RPS6KC1: variants seen among roughly 807,000 people sequenced by gnomAD.
RPS6KC1 encodes the protein ribosomal protein S6 kinase C1.
In RPS6KC1, 54 loss-of-function variants were observed where a neutral mutation model predicts 103.8. That is an observed-to-expected ratio of 0.52 (90% CI 0.42 to 0.65). The LOEUF is 0.65. Ranked by LOEUF, RPS6KC1 falls within the 30% of genes least tolerant of loss-of-function variation. The pLI is 0.00. For synonymous variants in RPS6KC1, 439 were observed against 438.7 expected, an observed-to-expected ratio of 1.00 and a Z score of -0.01; for missense variants, 1,151 against 1,253.8, an observed-to-expected ratio of 0.92 and a Z score of 1.24.
intron 6 of RPS6KC1, among the ~76,000 whole-genome samples, chr1:213,140,768 C>A (rs569986632): frequency 3.3e-5 from 5 of 151,004 alleles, no homozygotes; most frequent in African/African-American, 1.2e-4. Context: ...CTGCATCTTA[C>A]ATTCATCAAG....
the RPS6KC1 span, among the ~76,000 whole-genome samples, chr1:213,455,331 A>T: frequency 6.6e-6 from 1 of 152,072 alleles, no homozygotes; most frequent in African/African-American, 2.4e-5. Context: ...TAAAAAGTGG[A>T]CTTGACAGAA....
At chr1:213,237,672 A>C (rs1016293695) in intron 10 of RPS6KC1, among the ~76,000 whole-genome samples, 1 of 152,208 alleles carries the variant, frequency 6.6e-6, no homozygotes, top group East Asian at 1.9e-4. Flanking sequence ...CAAATTAACA[A>C]ACTTACTTTG....
the RPS6KC1 span, among the ~76,000 whole-genome samples, chr1:213,683,866 A>G: frequency 1.3e-5 from 2 of 152,096 alleles, no homozygotes; most frequent in Non-Finnish European, 2.9e-5. Context: ...ACCCTGGGAA[A>G]GCTGGCTCTG....
At chr1:213,221,081 A>G (rs1224256254) in intron 8 of RPS6KC1, among the ~76,000 whole-genome samples, 3 of 152,180 alleles carry the variant, frequency 2.0e-5, no homozygotes, top group South Asian at 4.1e-4. Context: ...AAAAAATACA[A>G]TCTTTATTAT....
the RPS6KC1 span, among the ~76,000 whole-genome samples, chr1:213,743,104 C>T: frequency 6.6e-6 from 1 of 152,206 alleles, no homozygotes; most frequent in South Asian, 2.1e-4. Flanking sequence ...CATTGCTGTG[C>T]TGTTCACAAT....
chr1:213,574,355 A>C, the RPS6KC1 span, among the ~76,000 whole-genome samples: 31,611 of 152,116 alleles, frequency 0.21, 4,101 homozygotes, highest in African/African-American at 0.37. Context: ...AGAAATGTTC[A>C]ATTGGTTATT....
the RPS6KC1 span, among the ~76,000 whole-genome samples, chr1:213,354,971 A>G: frequency 6.6e-6 from 1 of 152,204 alleles, no homozygotes. Context: ...TAATCCCAGC[A>G]CTTTGGGAGG....
At chr1:213,547,409 AT>A in the RPS6KC1 span, among the ~76,000 whole-genome samples, 1 of 152,220 alleles carries the variant, frequency 6.6e-6, no homozygotes, top group Non-Finnish European at 1.5e-5. Context: ...CTCTTATACA[AT>A]GCTAGGGAGA....
intron 1 of RPS6KC1, among the ~76,000 whole-genome samples, chr1:213,051,946 AAGAC>A (rs1447280480): frequency 6.6e-6 from 1 of 152,220 alleles, no homozygotes; most frequent in African/African-American, 2.4e-5. Flanking sequence ...TGCTGTGAGA[AAGAC>A]AGATTCTTGG....
the RPS6KC1 span, among the ~76,000 whole-genome samples, chr1:213,591,900 C>G: frequency 6.6e-6 from 1 of 152,166 alleles, no homozygotes; most frequent in Non-Finnish European, 1.5e-5. Context: ...CTGTGTCAAT[C>G]AGTTAGTCAC....
At chr1:213,728,090 G>A in the RPS6KC1 span, among the ~76,000 whole-genome samples, 3 of 152,106 alleles carry the variant, frequency 2.0e-5, no homozygotes, top group South Asian at 6.2e-4. Context: ...ATAATAGAGG[G>A]AAGTGGAGAA....
rs560995572 is a variant in RPS6KC1 at position 213,110,221 on chromosome 1, G to A, written c.378+5652G>A. 6.6e-5 allele frequency among the ~76,000 whole-genome samples: 10 copies of A among 152,136 alleles called. No homozygotes were observed. The South Asian group carries it at 1.5e-3, about 22-fold the overall frequency. On this transcript the variant is annotated intron_variant, in intron 4 of 14. Coordinates refer to ENST00000366960, the MANE Select transcript of RPS6KC1 (RefSeq NM_012424.6). Reference sequence around the variant, plus strand: ...TCTTTGTTCCCTCACAGATAGTTTCGATTGACTGGTTACCTCCCATGTTTG... The same window carrying A: ...TCTTTGTTCCCTCACAGATAGTTTCAATTGACTGGTTACCTCCCATGTTTG...
At chr1:213,651,401 T>C in the RPS6KC1 span, among the ~76,000 whole-genome samples, 1 of 152,152 alleles carries the variant, frequency 6.6e-6, no homozygotes, top group African/African-American at 2.4e-5. Flanking sequence ...CAAAGACAAC[T>C]GTGTATCGGC....
At chr1:213,404,170 G>T in the RPS6KC1 span, among the ~76,000 whole-genome samples, 3 of 152,298 alleles carry the variant, frequency 2.0e-5, no homozygotes, top group South Asian at 6.2e-4. Flanking sequence ...TGAGGCAAGG[G>T]GGCTGCCTTT....
chr1:213,374,847 G>T, the RPS6KC1 span, among the ~76,000 whole-genome samples: 376 of 152,356 alleles, frequency 2.5e-3, 1 homozygote, highest in African/African-American at 8.8e-3. Context: ...AGAGGCCTCT[G>T]GGAGGGGGGC....
chr1:213,104,308 G>T, intron 3 of RPS6KC1, 146 bp from the exon 4 acceptor site: 2 of 490,708 alleles, frequency 4.1e-6, no homozygotes, highest in Non-Finnish European at 3.7e-6. Flanking sequence ...TAATTGTAGA[G>T]ATTAGATTTG....
At chr1:213,053,213 T>G (rs1313447196) in intron 1 of RPS6KC1, among the ~76,000 whole-genome samples, 1 of 152,242 alleles carries the variant, frequency 6.6e-6, no homozygotes. Context: ...GTTTTCAACA[T>G]ACGTAATGTT....
chr1:213,250,811 G>T (rs547928979), intron 12 of RPS6KC1, among the ~76,000 whole-genome samples: 6 of 152,010 alleles, frequency 3.9e-5, no homozygotes, highest in Non-Finnish European at 7.4e-5. Context: ...ATTTTCCATT[G>T]TCATATACAA....
chr1:213,766,301 G>A, the RPS6KC1 span, among the ~76,000 whole-genome samples: 18 of 152,288 alleles, frequency 1.2e-4, no homozygotes, highest in Admixed American at 2.0e-4. Flanking sequence ...TAAGAAAGTG[G>A]TGATGAAGTT....
Sources: gnomAD v4.1 joint callset for allele counts (sites outside exome capture counted in the v4.1 genomes callset) on GRCh38, gnomAD v4.1.1 for gene constraint, MANE v1.5 for transcripts, NCBI Gene and HGNC (gene_info 2026-07-23, HGNC 2026-07-21) for gene names.